PTPRN2: variants seen among roughly 807,000 people sequenced by gnomAD.
PTPRN2 encodes the protein protein tyrosine phosphatase receptor type N2.
PTPRN2 carries 74 observed loss-of-function variants against 118.8 expected under a neutral mutation model. The ratio of observed to expected loss-of-function variants is 0.62; its 90% CI spans 0.52 to 0.76. The LOEUF (loss-of-function observed/expected upper bound fraction) is 0.76, where lower values mean the gene tolerates loss of function less well. Ranked by LOEUF, PTPRN2 falls within the 30% of genes least tolerant of loss-of-function variation. The pLI is 0.00. For missense variants in PTPRN2, 1,481 were observed against 1,394.4 expected, an observed-to-expected ratio of 1.06 and a Z score of -0.99; for synonymous variants, 641 against 608.0, an observed-to-expected ratio of 1.05 and a Z score of -0.80.
chr7:157,875,628 C>T lies in PTPRN2; in HGVS notation c.1788+23045G>A, dbSNP rs541086613. On this transcript the variant is annotated intron_variant, in intron 12 of 22. Transcript: ENST00000389418. ...GCAGCCCTGATTGTGGGGCCATGGC[C>T]TGTGCAGGAGGCGAGCAAGTGTGAC... Among the ~76,000 whole-genome samples the T allele has an allele frequency of 2.0e-5, 3 of 152,332 alleles. No individual in the cohort carries two copies. In the South Asian group the frequency reaches 6.2e-4, roughly 32 times the overall value.
chr7:157,884,521 G>T (rs1796346947), intron 12 of PTPRN2, among the ~76,000 whole-genome samples: 1 of 152,202 alleles, frequency 6.6e-6, no homozygotes, highest in Non-Finnish European at 1.5e-5. Flanking sequence ...CCCCTCCTGT[G>T]TTAATCTGTT....
At chr7:157,741,131 A>G (rs1800611444) in intron 12 of PTPRN2, among the ~76,000 whole-genome samples, 1 of 152,220 alleles carries the variant, frequency 6.6e-6, no homozygotes, top group African/African-American at 2.4e-5. Context: ...GCCTCCTTCC[A>G]CAGGCTCCAT....
intron 21 of PTPRN2, among the ~76,000 whole-genome samples, chr7:157,556,530 A>C (rs1283330215): frequency 6.7e-6 from 1 of 150,264 alleles, no homozygotes; most frequent in Non-Finnish European, 1.5e-5. Context: ...ACACCACACA[A>C]CACTCGCATC....
chr7:158,445,538 G>A (rs921668256), intron 2 of PTPRN2, among the ~76,000 whole-genome samples: 4 of 152,210 alleles, frequency 2.6e-5, no homozygotes, highest in Non-Finnish European at 5.9e-5. Flanking sequence ...AGAGGCTCTG[G>A]AGGGCCTTCA....
chr7:158,077,178 C>T (rs139559907), intron 11 of PTPRN2, among the ~76,000 whole-genome samples: 121 of 152,234 alleles, frequency 7.9e-4, no homozygotes, highest in African/African-American at 2.6e-3. Flanking sequence ...AGTTCTGAGC[C>T]GGGATTCAAG....
intron 11 of PTPRN2, among the ~76,000 whole-genome samples, chr7:157,920,622 C>T (rs12698112): frequency 0.29 from 43,598 of 152,108 alleles, 7,683 homozygotes; most frequent in Non-Finnish European, 0.4. Context: ...AAGAGTCAGC[C>T]GCACAAACAG....
rs1820690484 is a variant in PTPRN2, at chr7:158,149,454, A to G, written c.911-10939T>C. Reference sequence around the variant, plus strand: ...TTTCTCAAGAGGTAAAAAAAAAAAAAAATCCTTATTTTTAATCTCTAACAA... The same window carrying G: ...TTTCTCAAGAGGTAAAAAAAAAAAAGAATCCTTATTTTTAATCTCTAACAA... On this transcript the variant is annotated intron_variant, in intron 6 of 22. Coordinates refer to ENST00000389418, the MANE Select transcript of PTPRN2 (RefSeq NM_002847.5). Among the ~76,000 whole-genome samples the G allele has an allele frequency of 2.0e-5, 3 of 152,136 alleles. No individual in the cohort carries two copies. In the South Asian group the frequency reaches 6.2e-4, roughly 32 times the overall value.
chr7:158,371,425 T>C (rs541791115), intron 2 of PTPRN2, among the ~76,000 whole-genome samples: 131 of 152,312 alleles, frequency 8.6e-4, no homozygotes, highest in African/African-American at 3.0e-3. Flanking sequence ...TATGTTTTAT[T>C]TGATTAACAT....
chr7:157,818,122 G>A (rs563402161), intron 12 of PTPRN2, among the ~76,000 whole-genome samples: 69 of 151,192 alleles, frequency 4.6e-4, no homozygotes, highest in Admixed American at 4.1e-3. Context: ...GTGGGTGTGT[G>A]TAGTGTGTGT....
At chr7:158,306,682 T>A (rs1801311704) in intron 3 of PTPRN2, among the ~76,000 whole-genome samples, 1 of 152,066 alleles carries the variant, frequency 6.6e-6, no homozygotes, top group African/African-American at 2.4e-5. Flanking sequence ...AGAGGGAAAT[T>A]CTGGTTTTCA....
intron 2 of PTPRN2, among the ~76,000 whole-genome samples, chr7:158,322,650 G>A (rs60487292): frequency 0.4 from 60,951 of 151,904 alleles, 12,434 homozygotes; most frequent in Middle Eastern, 0.48. Context: ...TGGGCAGTGG[G>A]GACAAGGCCT....
intron 2 of PTPRN2, among the ~76,000 whole-genome samples, chr7:158,483,248 C>T (rs1029807733): frequency 1.3e-5 from 2 of 152,144 alleles, no homozygotes; most frequent in African/African-American, 4.8e-5. Context: ...CAGCCATGAA[C>T]CTGGAGAGGG....
intron 11 of PTPRN2, among the ~76,000 whole-genome samples, chr7:157,950,778 C>T (rs1800762906): frequency 6.6e-6 from 1 of 152,106 alleles, no homozygotes; most frequent in South Asian, 2.1e-4. Context: ...ATGCTGGAAG[C>T]TGTGATGTTG....
chr7:157,868,275 G>A lies in PTPRN2; in HGVS notation c.1788+30398C>T, dbSNP rs1314130986. Among the ~76,000 whole-genome samples the A allele has an allele frequency of 2.0e-5, 3 of 152,188 alleles. No individual in the cohort carries two copies. Reference sequence around the variant, plus strand: ...GGACTCGGCAAGCCCATCTGAACAGGGCTCTCTGCAGGCAGCCCCAGGCCT... The same window carrying A: ...GGACTCGGCAAGCCCATCTGAACAGAGCTCTCTGCAGGCAGCCCCAGGCCT... On this transcript the variant is annotated intron_variant, in intron 12 of 22. Transcript: ENST00000389418. This position sits in a 1 kb window ranked among gnomAD's most constrained non-coding sequence, Gnocchi z 5.2.
Position 158,136,642 on chromosome 7 carries a change from G to A in PTPRN2, c.1173+13C>T. 11 of 1,610,788 alleles carry A rather than the reference G, an allele frequency of 6.8e-6. No homozygotes were observed. The highest frequency in any genetic ancestry group is 9.3e-6 in the Non-Finnish European group (11 of 1,177,126). ...CATTTAACATGAAACAAACACCAGA[G>A]ACGTCATCTTACCTCTTGGTAAAGT... On this transcript the variant is annotated intron_variant, in intron 8 of 22. Coordinates refer to ENST00000389418, the MANE Select transcript of PTPRN2 (RefSeq NM_002847.5).
intron 3 of PTPRN2, among the ~76,000 whole-genome samples, chr7:158,305,176 A>C (rs1801190090): frequency 6.6e-6 from 1 of 152,116 alleles, no homozygotes; most frequent in African/African-American, 2.4e-5. Flanking sequence ...TTTCAGGTTT[A>C]CTTTAGAGTG....
chr7:158,141,956 T>C (rs904533467), intron 6 of PTPRN2, among the ~76,000 whole-genome samples: 2 of 152,214 alleles, frequency 1.3e-5, no homozygotes, highest in African/African-American at 2.4e-5. Context: ...CTGCCACCGA[T>C]GTCCCCTGCT....
At chr7:158,470,974 C>T (rs1426840108) in intron 2 of PTPRN2, among the ~76,000 whole-genome samples, 2 of 152,114 alleles carry the variant, frequency 1.3e-5, no homozygotes, top group Non-Finnish European at 2.9e-5. Context: ...GCTGGGATTA[C>T]GTGCGTGCAC....
At chr7:158,202,133 G>T (rs896448122) in intron 4 of PTPRN2, among the ~76,000 whole-genome samples, 1 of 152,050 alleles carries the variant, frequency 6.6e-6, no homozygotes, top group African/African-American at 2.4e-5. Context: ...ACCAATAATC[G>T]TGGAAGACAA....
Sources: gnomAD v4.1 joint callset for allele counts (sites outside exome capture counted in the v4.1 genomes callset) on GRCh38, gnomAD v4.1.1 for gene constraint, Gnocchi (gnomAD v3.1) non-coding constraint, MANE v1.5 for transcripts, NCBI Gene and HGNC (gene_info 2026-07-23, HGNC 2026-07-21) for gene names.